AP1G1: variants seen among roughly 807,000 people sequenced by gnomAD.
The protein encoded by AP1G1 is adaptor related protein complex 1 subunit gamma 1.
Under a neutral mutation model 108.3 loss-of-function variants are expected in AP1G1, and 7 were observed. The ratio of observed to expected loss-of-function variants is 0.06; its 90% CI spans 0.04 to 0.12. The LOEUF is 0.12. Ranked by LOEUF, AP1G1 falls within the 10% of genes least tolerant of loss-of-function variation. The probability of loss-of-function intolerance (pLI) is 1.00; values close to 1 mark genes in which losing one functional copy is unlikely to be tolerated. For missense variants in AP1G1, 756 were observed against 1,010.7 expected (o/e 0.75, Z 3.42); for synonymous variants, 379 against 353.5 (o/e 1.07, Z -0.81).
intron 3 of AP1G1, among the ~76,000 whole-genome samples, chr16:71,773,589 C>T (rs561644510): frequency 6.6e-6 from 1 of 152,248 alleles, no homozygotes; most frequent in South Asian, 2.1e-4. Context: ...GGTACCAAAG[C>T]AGTGGAAGTT....
rs2045512427 is a variant in AP1G1 at position 71,734,715 on chromosome 16, G to T, written c.2269-8C>A. 8 of 1,605,672 alleles carry T rather than the reference G, an allele frequency of 5.0e-6. No individual in the cohort carries two copies. Among genetic ancestry groups the T allele is most frequent in the African/African-American group, 1.3e-5 (1 of 74,706 alleles). On this transcript the variant is annotated splice_polypyrimidine_tract_variant and splice_region_variant and intron_variant, in intron 21 of 22. Transcript: ENST00000299980. ...GAGCTGCAGCTGGAATGTCTAGGGG[G>T]GAACAAAGGGCACTCTTCAGAAAAA...
intron 2 of AP1G1, among the ~76,000 whole-genome samples, chr16:71,777,067 G>A (rs1400390345): frequency 1.6e-5 from 2 of 128,772 alleles, no homozygotes; most frequent in Non-Finnish European, 3.1e-5. Context: ...CTGAGATCGC[G>A]CCACTGCACT....
At chr16:71,782,192 C>A (rs1173714968) in intron 2 of AP1G1, among the ~76,000 whole-genome samples, 2 of 152,262 alleles carry the variant, frequency 1.3e-5, no homozygotes, top group East Asian at 3.9e-4. Flanking sequence ...GACACAGAGT[C>A]TCACTCTGCC....
At chr16:71,755,975 G>C (rs370276663) in intron 12 of AP1G1, 44 bp downstream of exon 12, 9 of 1,584,486 alleles carry the variant, frequency 5.7e-6, no homozygotes, top group African/African-American at 2.7e-5. Flanking sequence ...ACTTCCAAAA[G>C]TTCCAAGCAG....
chr16:71,783,470 T>G (rs551561020), intron 2 of AP1G1, among the ~76,000 whole-genome samples: 1 of 152,194 alleles, frequency 6.6e-6, no homozygotes, highest in Non-Finnish European at 1.5e-5. Context: ...AAACAAGAGC[T>G]CTAAAGAACC....
intron 11 of AP1G1, among the ~76,000 whole-genome samples, chr16:71,756,850 G>A (rs139701920): frequency 0.016 from 2,415 of 150,772 alleles, 32 homozygotes; most frequent in Non-Finnish European, 0.027. Flanking sequence ...GCTGAGGTAG[G>A]AGAATTGCTT....
chr16:71,763,638 C>A (rs2031194967), intron 9 of AP1G1, among the ~76,000 whole-genome samples: 1 of 151,970 alleles, frequency 6.6e-6, no homozygotes, highest in African/African-American at 2.4e-5. Context: ...GGTATGTTAC[C>A]ATTCTGTCTG....
chr16:71,736,098 CAAAA>C (rs1213680207), intron 21 of AP1G1, among the ~76,000 whole-genome samples: 54 of 25,416 alleles, frequency 2.1e-3, no homozygotes, highest in Admixed American at 2.8e-3. Context: ...GACTCCATCT[CAAAA>C]AAAAAAAAAA....
rs1304796203 is a variant in AP1G1, at chr16:71,729,881, G to A, written c.*3177C>T. 1 of 152,510 alleles carries A rather than the reference G, an allele frequency of 6.6e-6. No homozygotes were observed. Among genetic ancestry groups the A allele is most frequent in the East Asian group, 1.9e-4 (1 of 5,198 alleles). The allele number at this position is 152,510 out of a possible 1,614,324, so 9.4% of individuals were successfully genotyped here. Reference sequence around the variant, plus strand: ...CAAACTCCTTTCCCCTAGTTCTCATGGCCCAAATATTTTCCAATGCAGAAG... The same window carrying A: ...CAAACTCCTTTCCCCTAGTTCTCATAGCCCAAATATTTTCCAATGCAGAAG... On this transcript the variant is annotated 3_prime_UTR_variant, in exon 23 of 23. Transcript: ENST00000299980.
At position 71,746,663 on chromosome 16, in the gene AP1G1, C is replaced by G; in HGVS notation, c.1655G>C (p.Gly552Ala). The change falls in exon 17 of 23, where the codon GGA becomes GCA. Residue 552 changes from glycine to alanine, a missense_variant. Transcript: ENST00000299980. The part of the protein sequence containing the change: ...NRIKKVVSIY[G>A]SSIDVELQQR... ...CTGGAGTTCCACATCAATGCTGCTT[C>G]CGTAGATGGAAACCACTTTCTTAAT... is the stretch of plus-strand genomic sequence containing the variant. The G allele has an allele frequency of 6.2e-7, 1 of 1,612,534 alleles. No individual in the cohort carries two copies.
intron 6 of AP1G1, chr16:71,767,809 A>G: frequency 6.8e-7 from 1 of 1,465,850 alleles, no homozygotes; most frequent in Non-Finnish European, 9.4e-7. Context: ...ACATTTGTGG[A>G]TCGATACACA....
intron 2 of AP1G1, among the ~76,000 whole-genome samples, chr16:71,782,317 C>T (rs1316179764): frequency 6.6e-6 from 1 of 151,696 alleles, no homozygotes; most frequent in Non-Finnish European, 1.5e-5. Context: ...GTATCTGCCA[C>T]CATGCCCGGC....
At chr16:71,784,908 T>C (rs1162959442) in intron 2 of AP1G1, among the ~76,000 whole-genome samples, 1 of 150,200 alleles carries the variant, frequency 6.7e-6, no homozygotes, top group Non-Finnish European at 1.5e-5. Context: ...ATATAGCTAC[T>C]AGAAATTTTT....
intron 3 of AP1G1, among the ~76,000 whole-genome samples, chr16:71,773,636 T>C (rs912886841): frequency 5.9e-5 from 9 of 152,064 alleles, no homozygotes; most frequent in African/African-American, 2.2e-4. Context: ...AGACACACAC[T>C]TTAGAAAACT....
chr16:71,750,029 A>C (rs779310590), intron 14 of AP1G1, 46 bp from the exon 15 acceptor site: 1 of 1,548,464 alleles, frequency 6.5e-7, no homozygotes, highest in East Asian at 2.2e-5. Context: ...CAATTTTTCC[A>C]AAGTTATTTA....
chr16:71,788,307 TTAAAA>T (rs1228678280), intron 2 of AP1G1, among the ~76,000 whole-genome samples: 9 of 152,240 alleles, frequency 5.9e-5, no homozygotes, highest in African/African-American at 2.2e-4. Flanking sequence ...TCTTAAATTA[TTAAAA>T]TAAAATTTAA....
At chr16:71,777,045 G>T (rs926084618) in intron 2 of AP1G1, among the ~76,000 whole-genome samples, 1 of 145,816 alleles carries the variant, frequency 6.9e-6, no homozygotes, top group Non-Finnish European at 1.5e-5. Context: ...GAAGGCGGGA[G>T]GTTGCAGTGA....
chr16:71,769,641 C>T lies in AP1G1; in HGVS notation c.624G>A (p.Met208Ile). Residue 208 changes from methionine (M) to isoleucine (I), a missense_variant, in exon 6 of 23, where the codon ATG (methionine) becomes ATA (isoleucine). Around this residue, in one of 3 missense-constraint regions of AP1G1, gnomAD observed 304 missense variants for 483.6 expected, o/e 0.63. Transcript: ENST00000299980. ...LTEMCERSPD[M>I]LAHFRKLVPQ... ...CACCTACCTTTCTGAAATGCGCAAG[C>T]ATGTCTGGGCTTCGCTCACACATTT... is the stretch of plus-strand genomic sequence containing the variant. The T allele has an allele frequency of 1.2e-6, 2 of 1,613,536 alleles. No individual in the cohort carries two copies. The highest frequency in any genetic ancestry group is 1.7e-6 in the Non-Finnish European group (2 of 1,179,600).
chr16:71,735,148 C>T (rs2045517560), intron 21 of AP1G1, among the ~76,000 whole-genome samples: 1 of 152,166 alleles, frequency 6.6e-6, no homozygotes, highest in Non-Finnish European at 1.5e-5. Flanking sequence ...CAACTATAAG[C>T]TTTTAGGCTT....
Sources: allele counts gnomAD v4.1 joint callset (sites outside exome capture counted in the v4.1 genomes callset), GRCh38; gene constraint gnomAD v4.1.1; regional missense constraint gnomAD v4.1.1; transcripts MANE v1.5; gene names NCBI Gene and HGNC (gene_info 2026-07-23, HGNC 2026-07-21).